Variants in ATP2B2 observed in about 807,000 individuals in gnomAD.
ATP2B2 encodes ATPase plasma membrane Ca2+ transporting 2, also known as plasma membrane calcium-transporting ATPase 2.
Under a neutral mutation model 120.0 loss-of-function variants are expected in ATP2B2, and 15 were observed. The observed-to-expected ratio is 0.12, with a 90% CI of 0.08 to 0.19. ATP2B2 has a LOEUF of 0.19. Ranked by LOEUF, ATP2B2 falls within the 10% of genes least tolerant of loss-of-function variation. The probability of loss-of-function intolerance (pLI) is 1.00; values close to 1 mark genes in which losing one functional copy is unlikely to be tolerated. For missense variants in ATP2B2, 1,045 were observed against 1,719.8 expected, an observed-to-expected ratio of 0.61 and a Z score of 6.94; for synonymous variants, 694 against 700.3, an observed-to-expected ratio of 0.99 and a Z score of 0.14.
chr3:10,385,737 C>T (rs996152817), intron 7 of ATP2B2, among the ~76,000 whole-genome samples: 15 of 152,160 alleles, frequency 9.9e-5, no homozygotes, highest in Admixed American at 5.2e-4. Flanking sequence ...AGCGTGGGCA[C>T]GGACCACTCA....
At chr3:10,667,756 A>C (rs1477792886) in intron 1 of ATP2B2, among the ~76,000 whole-genome samples, 1 of 152,176 alleles carries the variant, frequency 6.6e-6, no homozygotes, top group Admixed American at 6.5e-5. Context: ...TGCTCTGAGT[A>C]GGAGAGCTGC....
intron 22 of ATP2B2, among the ~76,000 whole-genome samples, chr3:10,337,682 G>C (rs2438309): frequency 1 from 152,190 of 152,192 alleles, 76,094 homozygotes; most frequent in Middle Eastern, 1. Flanking sequence ...TTGCTCCCCA[G>C]AGCCTCTCCA....
intron 2 of ATP2B2, among the ~76,000 whole-genome samples, chr3:10,571,449 C>T (rs1348043897): frequency 1.3e-5 from 2 of 152,198 alleles, no homozygotes; most frequent in East Asian, 1.9e-4. Flanking sequence ...AGGTAGGTTG[C>T]CTGGAGGAGG....
chr3:10,461,900 C>A (rs1285846085), intron 1 of ATP2B2, among the ~76,000 whole-genome samples: 1 of 152,118 alleles, frequency 6.6e-6, no homozygotes, highest in Non-Finnish European at 1.5e-5. Context: ...CCCCCACTGG[C>A]AAACTCCAGG....
chr3:10,609,382 T>C (rs2069169425), intron 2 of ATP2B2, among the ~76,000 whole-genome samples: 1 of 152,236 alleles, frequency 6.6e-6, no homozygotes, highest in Non-Finnish European at 1.5e-5. Context: ...ACTACGGCTC[T>C]GGCAGCCGCA....
upstream of ATP2B2, among the ~76,000 whole-genome samples, chr3:10,509,286 A>G (rs1189560010): frequency 6.6e-6 from 1 of 152,134 alleles, no homozygotes; most frequent in East Asian, 1.9e-4. Context: ...AGCATGGATG[A>G]GGGCTACCCC....
chr3:10,460,733 C>T (rs1357363839), intron 1 of ATP2B2, among the ~76,000 whole-genome samples: 2 of 152,228 alleles, frequency 1.3e-5, no homozygotes, highest in Non-Finnish European at 2.9e-5. Context: ...GGACCCACTT[C>T]AGTCCATCAG....
At chr3:10,584,053 G>T (rs943036338) in intron 2 of ATP2B2, among the ~76,000 whole-genome samples, 26 of 152,190 alleles carry the variant, frequency 1.7e-4, no homozygotes, top group African/African-American at 5.8e-4. Context: ...CTGCCCTCCT[G>T]CAAGGGACAG....
At chr3:10,650,711 G>C (rs2070435849) in intron 1 of ATP2B2, among the ~76,000 whole-genome samples, 1 of 152,206 alleles carries the variant, frequency 6.6e-6, no homozygotes, top group African/African-American at 2.4e-5. Context: ...CTGTGCAGCT[G>C]TCAGAAGAGG....
intron 1 of ATP2B2, among the ~76,000 whole-genome samples, chr3:10,468,421 T>G (rs2064844528): frequency 6.6e-6 from 1 of 152,230 alleles, no homozygotes; most frequent in Non-Finnish European, 1.5e-5. Flanking sequence ...CACCTGCTGT[T>G]AGGAACGGCC....
chr3:10,352,426 G>C (rs866430073), intron 14 of ATP2B2, among the ~76,000 whole-genome samples: 1 of 152,250 alleles, frequency 6.6e-6, no homozygotes, highest in African/African-American at 2.4e-5. Flanking sequence ...GTGGCGTGAG[G>C]AACGGATGCT....
intron 3 of ATP2B2, among the ~76,000 whole-genome samples, chr3:10,526,460 C>T (rs1353984044): frequency 1.3e-5 from 2 of 152,204 alleles, no homozygotes; most frequent in Non-Finnish European, 2.9e-5. Context: ...CCCGCCCCCT[C>T]AGAGATTTCC....
At chr3:10,525,110 C>T (rs2067065166) in intron 3 of ATP2B2, among the ~76,000 whole-genome samples, 1 of 152,184 alleles carries the variant, frequency 6.6e-6, no homozygotes, top group Non-Finnish European at 1.5e-5. Context: ...CAGCCCTGGA[C>T]AGTTCAGGAG....
intron 1 of ATP2B2, among the ~76,000 whole-genome samples, chr3:10,492,972 G>A (rs935086733): frequency 6.6e-6 from 1 of 152,150 alleles, no homozygotes; most frequent in African/African-American, 2.4e-5. Context: ...GCTGTTCTGG[G>A]TTTATTCTTG....
chr3:10,509,544 TAC>T (rs763132389), upstream of ATP2B2, among the ~76,000 whole-genome samples: 1 of 152,182 alleles, frequency 6.6e-6, no homozygotes, highest in Non-Finnish European at 1.5e-5. Flanking sequence ...ACGTGAAAGT[TAC>T]AGAGCCAGTG....
chr3:10,394,443 G>A (rs747676579), intron 5 of ATP2B2: 4 of 470,840 alleles, frequency 8.5e-6, no homozygotes, highest in South Asian at 6.2e-5. Context: ...GAGCTTGAGT[G>A]ATGGCCCAGG....
intron 5 of ATP2B2, among the ~76,000 whole-genome samples, chr3:10,396,066 C>T (rs2062025314): frequency 6.6e-6 from 1 of 152,172 alleles, no homozygotes; most frequent in Non-Finnish European, 1.5e-5. Flanking sequence ...TCATTTGAGT[C>T]TTTCTGAAGG....
intron 1 of ATP2B2, among the ~76,000 whole-genome samples, chr3:10,472,451 G>A (rs34876): frequency 0.48 from 72,717 of 152,086 alleles, 18,587 homozygotes; most frequent in Non-Finnish European, 0.56. Context: ...ACTGTTCCAA[G>A]GTCGCAGGAA....
In ATP2B2 at chr3:10,338,431, C is replaced by A. The variant is rs936433938; in HGVS notation, c.3238-73G>T. On this transcript the variant is annotated intron_variant, in intron 21 of 22. Coordinates refer to ENST00000360273, the MANE Select transcript of ATP2B2 (RefSeq NM_001001331.4). ...GGCCTTCTCTCCCTGACACCCGCTCCTCTACCTCCCTCCTCCTACCCGCTC... is the reference window on the plus strand; with the variant it reads ...GGCCTTCTCTCCCTGACACCCGCTCATCTACCTCCCTCCTCCTACCCGCTC... 24 of 1,525,656 alleles carry A rather than the reference C, an allele frequency of 1.6e-5. No individual in the cohort carries two copies. In the South Asian group the frequency reaches 2.6e-4, roughly 16 times the overall value. 94.5% of individuals were successfully genotyped at this position (1,525,656 alleles called of 1,614,324 possible).
Sources: gnomAD v4.1 joint callset for allele counts (sites outside exome capture counted in the v4.1 genomes callset) on GRCh38, gnomAD v4.1.1 for gene constraint, MANE v1.5 for transcripts, NCBI Gene and HGNC (gene_info 2026-07-23, HGNC 2026-07-21) for gene names.